The following SLC4A10 variants were observed in gnomAD, a reference collection of about 807,000 sequenced individuals.
SLC4A10 encodes sodium-driven chloride bicarbonate exchanger.
In SLC4A10, 42 loss-of-function variants were observed where a neutral mutation model predicts 137.7. The ratio of observed to expected loss-of-function variants is 0.30; its 90% confidence interval spans 0.24 to 0.39. The LOEUF (loss-of-function observed/expected upper bound fraction) is 0.39, where lower values mean the gene tolerates loss of function less well. Ranked by LOEUF, SLC4A10 falls within the 10% of genes least tolerant of loss-of-function variation. The pLI is 1.00. For missense variants in SLC4A10, 925 were observed against 1,355.0 expected (o/e 0.68, Z 4.98); for synonymous variants, 474 against 464.1 (o/e 1.02, Z -0.27).
intron 19 of SLC4A10, among the ~76,000 whole-genome samples, chr2:161,954,774 A>T (rs1001559548): frequency 3.9e-5 from 6 of 152,140 alleles, no homozygotes; most frequent in Admixed American, 1.3e-4. Flanking sequence ...AGCTTTATAA[A>T]TTTAGAAAAG....
At chr2:161,744,952 G>T (rs181111015) in intron 1 of SLC4A10, among the ~76,000 whole-genome samples, 41 of 152,178 alleles carry the variant, frequency 2.7e-4, no homozygotes, top group Non-Finnish European at 4.6e-4. Context: ...TTAGGTGATT[G>T]CTTGTTGCTC....
At chr2:161,802,087 A>G (rs934758714) in intron 2 of SLC4A10, among the ~76,000 whole-genome samples, 12 of 152,140 alleles carry the variant, frequency 7.9e-5, no homozygotes, top group Middle Eastern at 3.4e-3. Flanking sequence ...GTGCATTTTA[A>G]TTGTCTATAA....
At chr2:161,773,914 G>A (rs576845286) in intron 2 of SLC4A10, among the ~76,000 whole-genome samples, 3 of 150,956 alleles carry the variant, frequency 2.0e-5, no homozygotes, top group East Asian at 2.0e-4. Flanking sequence ...TAAATCATGC[G>A]GTCGGTACAT....
At chr2:161,906,742 A>C (rs1025171093) in intron 15 of SLC4A10, among the ~76,000 whole-genome samples, 1 of 152,170 alleles carries the variant, frequency 6.6e-6, no homozygotes, top group African/African-American at 2.4e-5. Flanking sequence ...ATTTACTATC[A>C]GAAGTTTAAA....
chr2:161,632,984 A>G lies in SLC4A10; in HGVS notation c.48+8418A>G, dbSNP rs577125006. ...TTAGCATATTACCTATTACTTTGCA[A>G]TATTGTGTATATACATGTATATATA... is the stretch of plus-strand genomic sequence containing the variant. On this transcript the variant is annotated intron_variant, in intron 1 of 26. Coordinates refer to ENST00000446997, the MANE Select transcript of SLC4A10 (RefSeq NM_001178015.2). Among the ~76,000 whole-genome samples, 3 of 151,746 alleles carry G rather than the reference A, an allele frequency of 2.0e-5. No homozygotes were observed. In the East Asian group the frequency reaches 5.8e-4, roughly 29 times the overall value.
intron 17 of SLC4A10, 149 bp downstream of exon 17, chr2:161,947,876 A>G: frequency 1.2e-6 from 1 of 867,498 alleles, no homozygotes; most frequent in Non-Finnish European, 1.7e-6. Context: ...AAGAGAAAGA[A>G]TTTGTGATGC....
chr2:161,749,897 G>T (rs942512980), intron 1 of SLC4A10, among the ~76,000 whole-genome samples: 7 of 151,860 alleles, frequency 4.6e-5, no homozygotes, highest in Admixed American at 2.0e-4. Flanking sequence ...TGTCTTCTTT[G>T]TTGGGAGATT....
intron 3 of SLC4A10, among the ~76,000 whole-genome samples, chr2:161,814,341 G>A (rs1290706780): frequency 3.9e-5 from 6 of 152,064 alleles, no homozygotes; most frequent in African/African-American, 1.4e-4. Context: ...AATATAAATT[G>A]GTTCAGCCAC....
chr2:161,788,712 A>G (rs1383633084), intron 2 of SLC4A10, among the ~76,000 whole-genome samples: 1 of 152,204 alleles, frequency 6.6e-6, no homozygotes, highest in Non-Finnish European at 1.5e-5. Context: ...CCCAGAGCCC[A>G]GAGCAAACAG....
At chr2:161,906,474 T>C (rs950389076) in intron 15 of SLC4A10, among the ~76,000 whole-genome samples, 2 of 152,202 alleles carry the variant, frequency 1.3e-5, no homozygotes, top group African/African-American at 4.8e-5. Context: ...ATTGGATCTA[T>C]TGCTTTTTCT....
chr2:161,928,266 G>T (rs1383340911), intron 15 of SLC4A10, among the ~76,000 whole-genome samples: 1 of 148,612 alleles, frequency 6.7e-6, no homozygotes, highest in Non-Finnish European at 1.5e-5. Context: ...GTAAACTATC[G>T]CAAGAACAAA....
chr2:161,659,769 T>G (rs2105685654), intron 1 of SLC4A10, among the ~76,000 whole-genome samples: 1 of 152,328 alleles, frequency 6.6e-6, no homozygotes, highest in East Asian at 1.9e-4. Flanking sequence ...CATCAACTGA[T>G]GAATAGCTAT....
In SLC4A10 at chr2:161,694,516, T is replaced by C. The variant is rs1003582856; in HGVS notation, c.48+69950T>C. ...AAAGCCTTTCTGTTTCTATATATAC[T>C]GTACATATTTAAAGAGAGGAATTTA... On this transcript the variant is annotated intron_variant, in intron 1 of 26. Coordinates refer to ENST00000446997, the MANE Select transcript of SLC4A10 (RefSeq NM_001178015.2). Among the ~76,000 whole-genome samples, 15 of 151,276 alleles carry C rather than the reference T, an allele frequency of 9.9e-5. No individual in the cohort carries two copies. The East Asian group carries it at 2.1e-3, about 21-fold the overall frequency.
chr2:161,702,202 T>A (rs1314942967), intron 1 of SLC4A10, among the ~76,000 whole-genome samples: 1 of 151,866 alleles, frequency 6.6e-6, no homozygotes, highest in East Asian at 1.9e-4. Context: ...ATATAAACAA[T>A]GAAATATTAT....
intron 6 of SLC4A10, among the ~76,000 whole-genome samples, chr2:161,866,821 G>T (rs2060789001): frequency 6.6e-6 from 1 of 151,618 alleles, no homozygotes; most frequent in Admixed American, 6.6e-5. Flanking sequence ...GAGACATTGG[G>T]ATTATAAATC....
At chr2:161,915,394 C>G (rs866842871) in intron 15 of SLC4A10, among the ~76,000 whole-genome samples, 3 of 152,170 alleles carry the variant, frequency 2.0e-5, no homozygotes, top group Non-Finnish European at 2.9e-5. Context: ...AAGTGAATTA[C>G]ATGACTTGAG....
intron 1 of SLC4A10, among the ~76,000 whole-genome samples, chr2:161,769,283 C>A (rs1215717507): frequency 6.6e-6 from 1 of 151,912 alleles, no homozygotes; most frequent in Non-Finnish European, 1.5e-5. Context: ...CCCTTAATAT[C>A]CATTCCCACA....
intron 10 of SLC4A10, among the ~76,000 whole-genome samples, chr2:161,887,607 T>C (rs1171955321): frequency 6.6e-6 from 1 of 152,216 alleles, no homozygotes; most frequent in African/African-American, 2.4e-5. Context: ...AAATGTCTTC[T>C]TTTGAGAAAT....
At chr2:161,779,180 G>A (rs962398806) in intron 2 of SLC4A10, among the ~76,000 whole-genome samples, 2 of 151,898 alleles carry the variant, frequency 1.3e-5, no homozygotes, top group African/African-American at 2.4e-5. Context: ...CTGCTCTTGA[G>A]GGAGATAATC....
Sources: gnomAD v4.1 joint callset for allele counts (sites outside exome capture counted in the v4.1 genomes callset) on GRCh38, gnomAD v4.1.1 for gene constraint, MANE v1.5 for transcripts, NCBI Gene and HGNC (gene_info 2026-07-23, HGNC 2026-07-21) for gene names.